The following BPIFB6 variants were observed in gnomAD, a reference collection of about 807,000 sequenced individuals.
The protein encoded by BPIFB6 is BPI fold containing family B member 6, also known as BPI fold-containing family B member 6.
Under a neutral mutation model 54.7 loss-of-function variants are expected in BPIFB6, and 47 were observed. The observed-to-expected ratio is 0.86, with a 90% CI of 0.68 to 1.10. The LOEUF (loss-of-function observed/expected upper bound fraction) is 1.10, where lower values mean the gene tolerates loss of function less well. BPIFB6 is among the 50% of genes least tolerant of loss of function. The pLI is 0.00. For missense variants in BPIFB6, 603 were observed against 564.1 expected (o/e 1.07, Z -0.70); for synonymous variants, 255 against 225.9 (o/e 1.13, Z -1.16).
rs1979470473 is a variant in BPIFB6, at chr20:33,039,197, T to C, written c.901-150T>C. ...ATAGCCAAATTGTGTATTTTGTTTCTTTTATTTCCTGATAGACACATCCTG... is the reference window on the plus strand; with the variant it reads ...ATAGCCAAATTGTGTATTTTGTTTCCTTTATTTCCTGATAGACACATCCTG... On this transcript the variant is annotated intron_variant, in intron 9 of 14. Transcript: ENST00000349552. The C allele has an allele frequency of 6.2e-6, 6 of 961,520 alleles. No homozygotes were observed. The East Asian group carries it at 1.5e-4, about 23-fold the overall frequency. 59.6% of individuals were successfully genotyped at this position (961,520 alleles called of 1,614,324 possible). A position where few individuals can be genotyped will look rare whatever the true frequency, so the allele number is the denominator to read the frequency against.
intron 11 of BPIFB6, among the ~76,000 whole-genome samples, 188 bp downstream of exon 11, chr20:33,040,506 A>C (rs1007402888): frequency 1.8e-4 from 27 of 152,200 alleles, no homozygotes; most frequent in African/African-American, 6.5e-4. Context: ...CTCAAATCTT[A>C]GCCTGGTACT....
rs538455034 is a variant in BPIFB6, at chr20:33,038,935, C to A, written c.873C>A (p.Thr291=). The part of the protein sequence containing the change: ...TMIGELPPQT[T]KTLARFIPEV... Reference sequence around the variant, plus strand: ...TTGGTGAGCTGCCCCCACAAACCACCAAGACCCTGGCTCGCTTCATTCCTG... The same window carrying A: ...TTGGTGAGCTGCCCCCACAAACCACAAAGACCCTGGCTCGCTTCATTCCTG... The change falls in exon 9 of 15, where the codon ACC becomes ACA. Residue 291 remains threonine, a synonymous_variant. Transcript: ENST00000349552. The A allele has an allele frequency of 3.1e-6, 5 of 1,614,058 alleles. No homozygotes were observed. The East Asian group carries it at 6.7e-5, about 22-fold the overall frequency.
At chr20:33,032,794 G>A (rs552187010) in intron 1 of BPIFB6, among the ~76,000 whole-genome samples, 190 bp from the exon 2 acceptor site, 2 of 152,258 alleles carry the variant, frequency 1.3e-5, no homozygotes, top group South Asian at 2.1e-4. Context: ...ACCCTCGTGC[G>A]GCTCCTACAG....
intron 11 of BPIFB6, among the ~76,000 whole-genome samples, chr20:33,041,238 C>T (rs1034242832): frequency 6.6e-6 from 1 of 152,142 alleles, no homozygotes; most frequent in African/African-American, 2.4e-5. Context: ...ATCCACCCGC[C>T]TCGGCCTCCC....
chr20:33,036,429 C>A lies in BPIFB6; in HGVS notation c.578-16C>A. 6.2e-7 allele frequency: 1 copy of A among 1,601,308 alleles called. No homozygotes were observed. The highest frequency in any genetic ancestry group is 1.7e-5 in the Admixed American group (1 of 58,996). On this transcript the variant is annotated splice_polypyrimidine_tract_variant and intron_variant, in intron 6 of 14. Transcript: ENST00000349552. ...GGGGTTGGTGCCTCTTTGAGTGGAA[C>A]CTCCTTTTCACACAGACCCCATGCC...
At position 33,031,744 on chromosome 20, in the gene BPIFB6, C is replaced by A. The variant is rs774063482; in HGVS notation, c.97C>A (p.Gln33Lys). The A allele has an allele frequency of 6.2e-7, 1 of 1,613,880 alleles. No individual in the cohort carries two copies. Among genetic ancestry groups the A allele is most frequent in the Non-Finnish European group, 8.5e-7 (1 of 1,179,896 alleles). The stretch of plus-strand genomic sequence containing the variant: ...GCGGTTGGGCATGGACATCATGAAC[C>A]GTGGTGAGCTTGTGGGCCCGGGCGT... ...LLRLGMDIMN[Q>K]VQSAMDESHI... Residue 33 changes from glutamine (Q) to lysine (K), a missense_variant and splice_region_variant, in exon 1 of 15, where the codon CAG becomes AAG. By Grantham distance (53) the Gln-to-Lys change is moderately conservative. Coordinates refer to ENST00000349552, the MANE Select transcript of BPIFB6 (RefSeq NM_174897.2).
rs775070252 is a variant in BPIFB6 at position 33,034,155 on chromosome 20, C to T, written c.198-31C>T. 11 of 1,535,038 alleles carry T rather than the reference C, an allele frequency of 7.2e-6. No homozygotes were observed. The South Asian group carries it at 1.2e-4, about 17-fold the overall frequency. On this transcript the variant is annotated intron_variant, in intron 2 of 14. Coordinates refer to ENST00000349552, the MANE Select transcript of BPIFB6 (RefSeq NM_174897.2). The stretch of plus-strand genomic sequence containing the variant: ...GGTCCTGGGTCTTGCCTGCTCAGAT[C>T]TTATTGGTGTGGCTGCCTGTCCCTT...
At chr20:33,037,506 C>G (rs982530284) in intron 7 of BPIFB6, 56 bp from the exon 8 acceptor site, 1 of 1,540,018 alleles carries the variant, frequency 6.5e-7, no homozygotes. Context: ...CTGAGACACT[C>G]CTGGCCAACA....
rs906578852 is a variant in BPIFB6 at position 33,042,726 on chromosome 20, C to G, written c.1189-89C>G. On this transcript the variant is annotated intron_variant, in intron 12 of 14. Coordinates refer to ENST00000349552, the MANE Select transcript of BPIFB6 (RefSeq NM_174897.2). ...GATGTCTAATATTCACTTCTGTGGT[C>G]CCCAGGCCTAGCCAGAGAGGGCTGA... 1.6e-5 allele frequency: 20 copies of G among 1,253,926 alleles called. No homozygotes were observed. In the African/African-American group the frequency reaches 2.8e-4, roughly 18 times the overall value. The allele number at this position is 1,253,926 out of a possible 1,614,324, so 77.7% of individuals were successfully genotyped here.
chr20:33,038,885 C>T, intron 8 of BPIFB6, 24 bp from the exon 9 acceptor site: 1 of 1,613,792 alleles, frequency 6.2e-7, no homozygotes, highest in Non-Finnish European at 8.5e-7. Flanking sequence ...TCCAGCAACC[C>T]TAACCTTGAC....
intron 5 of BPIFB6, among the ~76,000 whole-genome samples, chr20:33,035,360 CT>C (rs1304181659): frequency 6.6e-6 from 1 of 152,174 alleles, no homozygotes. Context: ...GCATGCACAG[CT>C]TGCCAACCGT....
chr20:33,041,986 C>T lies in BPIFB6; in HGVS notation c.1159C>T (p.Arg387Trp), dbSNP rs769917866. ...CCCCCACAGATTACTGAGCTTGTCC[C>T]GGAAGTCCTCATCGATTGGCAACTT... ...TSLDRLLSLS[R>W]KSSSIGNFNE... The change falls in exon 12 of 15, where the codon CGG (arginine) becomes TGG (tryptophan). Residue 387 changes from arginine to tryptophan, a missense_variant. Transcript: ENST00000349552. 2.0e-5 allele frequency: 33 copies of T among 1,614,032 alleles called. No individual in the cohort carries two copies. Among genetic ancestry groups the T allele is most frequent in the African/African-American group, 6.7e-5 (5 of 74,930 alleles).
chr20:33,037,538 T>G (rs1281556048), intron 7 of BPIFB6, 24 bp from the exon 8 acceptor site: 3 of 1,587,246 alleles, frequency 1.9e-6, no homozygotes, highest in Admixed American at 1.7e-5. Context: ...CAAGGCTGAG[T>G]GTCTCCCTCC....
chr20:33,034,519 G>T (rs1180093765), intron 3 of BPIFB6, among the ~76,000 whole-genome samples: 1 of 152,202 alleles, frequency 6.6e-6, no homozygotes, highest in Admixed American at 6.5e-5. Flanking sequence ...GTCAGAAAAG[G>T]TTATGGGGAG....
chr20:33,042,439 C>A (rs1004324115), intron 12 of BPIFB6, among the ~76,000 whole-genome samples: 2 of 151,978 alleles, frequency 1.3e-5, no homozygotes, highest in Non-Finnish European at 2.9e-5. Flanking sequence ...GGAGCAGGTG[C>A]GATTATAGTT....
Position 33,038,931 on chromosome 20 carries a change from C to T in BPIFB6, c.869C>T (p.Thr290Ile). Reference protein sequence around the residue: ...DTMIGELPPQTTKTLARFIPE... With the variant: ...DTMIGELPPQITKTLARFIPE... Reference sequence around the variant, plus strand: ...TAGATTGGTGAGCTGCCCCCACAAACCACCAAGACCCTGGCTCGCTTCATT... The same window carrying T: ...TAGATTGGTGAGCTGCCCCCACAAATCACCAAGACCCTGGCTCGCTTCATT... Residue 290 changes from threonine to isoleucine, a missense_variant, in exon 9 of 15, where the codon ACC (threonine) becomes ATC (isoleucine). By Grantham distance (89) the Thr-to-Ile change is moderately conservative. Transcript: ENST00000349552. The T allele has an allele frequency of 3.1e-6, 5 of 1,614,124 alleles. No individual in the cohort carries two copies. The highest frequency in any genetic ancestry group is 3.4e-6 in the Non-Finnish European group (4 of 1,180,028).
At chr20:33,039,672 G>C in intron 10 of BPIFB6, 152 bp downstream of exon 10, 1 of 892,740 alleles carries the variant, frequency 1.1e-6, no homozygotes, top group Non-Finnish European at 1.6e-6. Flanking sequence ...CTGAACCTTT[G>C]AATGGCTGGA....
At chr20:33,040,346 TC>T (rs1477013081) in intron 11 of BPIFB6, 28 bp downstream of exon 11, 1 of 1,608,858 alleles carries the variant, frequency 6.2e-7, no homozygotes, top group East Asian at 2.2e-5. Context: ...AATGCTGGCA[TC>T]CCTGTTACCT....
At position 33,043,275 on chromosome 20, in the gene BPIFB6, T is replaced by G; in HGVS notation, c.1253-16T>G. The G allele has an allele frequency of 6.2e-7, 1 of 1,612,832 alleles. No individual in the cohort carries two copies. ...CACAGCAGTCAGGCTGATATGACTC[T>G]TACTGTATTTCTCAGATGTGCTTCA... On this transcript the variant is annotated splice_polypyrimidine_tract_variant and intron_variant, in intron 13 of 14. Coordinates refer to ENST00000349552, the MANE Select transcript of BPIFB6 (RefSeq NM_174897.2).
Sources: gnomAD v4.1 joint callset for allele counts (sites outside exome capture counted in the v4.1 genomes callset) on GRCh38, gnomAD v4.1.1 for gene constraint, MANE v1.5 for transcripts, NCBI Gene and HGNC (gene_info 2026-07-23, HGNC 2026-07-21) for gene names.